Variants in EFCAB13 observed in about 807,000 individuals in gnomAD.
The protein encoded by EFCAB13 is EF-hand calcium binding domain 13.
A neutral mutation model predicts 110.2 loss-of-function variants in EFCAB13; 91 were observed. That is an observed-to-expected ratio of 0.83 (90% CI 0.70 to 0.98). The LOEUF (loss-of-function observed/expected upper bound fraction) is 0.98, where lower values mean the gene tolerates loss of function less well. Ranked by LOEUF, EFCAB13 falls within the 50% of genes least tolerant of loss-of-function variation. EFCAB13 has a pLI of 0.00. For missense variants in EFCAB13, 968 were observed against 1,119.4 expected, an observed-to-expected ratio of 0.86 and a Z score of 1.93; for synonymous variants, 323 against 369.9, an observed-to-expected ratio of 0.87 and a Z score of 1.45.
intron 5 of EFCAB13, among the ~76,000 whole-genome samples, chr17:47,341,235 T>TGGG (rs2065382851): frequency 6.6e-6 from 1 of 152,206 alleles, no homozygotes; most frequent in Non-Finnish European, 1.5e-5. Flanking sequence ...ATTATGATGC[T>TGGG]GGGATTTTAT....
chr17:47,359,048 T>C (rs1369219251), intron 9 of EFCAB13, among the ~76,000 whole-genome samples: 1 of 152,186 alleles, frequency 6.6e-6, no homozygotes, highest in African/African-American at 2.4e-5. Context: ...AATGACTAGT[T>C]GAGACCAGGC....
At chr17:47,329,676 T>C (rs532232485) in intron 4 of EFCAB13, among the ~76,000 whole-genome samples, 1 of 152,312 alleles carries the variant, frequency 6.6e-6, no homozygotes, top group East Asian at 1.9e-4. Flanking sequence ...TTTACTACAA[T>C]GTTTCTGAGA....
chr17:47,410,534 TA>T (rs2065829018), intron 21 of EFCAB13, among the ~76,000 whole-genome samples: 1 of 152,186 alleles, frequency 6.6e-6, no homozygotes, highest in Non-Finnish European at 1.5e-5. Flanking sequence ...CCAAAACTCT[TA>T]ACTTGTTCCC....
At chr17:47,347,506 A>G (rs2065424168) in intron 8 of EFCAB13, among the ~76,000 whole-genome samples, 1 of 152,218 alleles carries the variant, frequency 6.6e-6, no homozygotes, top group Non-Finnish European at 1.5e-5. Flanking sequence ...ACTGAGATAC[A>G]TAGTAAGTGC....
At chr17:47,403,081 C>G (rs1175177812) in intron 18 of EFCAB13, among the ~76,000 whole-genome samples, 3 of 152,116 alleles carry the variant, frequency 2.0e-5, no homozygotes, top group Admixed American at 2.0e-4. Context: ...AGATTGCCAT[C>G]TGTAGTTGCA....
chr17:47,422,640 T>C (rs182638170), intron 23 of EFCAB13, among the ~76,000 whole-genome samples: 1 of 152,292 alleles, frequency 6.6e-6, no homozygotes, highest in African/African-American at 2.4e-5. Flanking sequence ...AATAAAGATA[T>C]GATTTGCAAT....
chr17:47,374,182 G>A (rs2065600563), intron 11 of EFCAB13, among the ~76,000 whole-genome samples: 1 of 152,144 alleles, frequency 6.6e-6, no homozygotes, highest in Admixed American at 6.5e-5. Flanking sequence ...CAATTGGGAA[G>A]GAGTGGGGAA....
chr17:47,416,668 A>G (rs1904460104), intron 23 of EFCAB13, among the ~76,000 whole-genome samples: 1 of 152,174 alleles, frequency 6.6e-6, no homozygotes, highest in Non-Finnish European at 1.5e-5. Flanking sequence ...CACACTTATA[A>G]GTGAGAGCAT....
intron 24 of EFCAB13, among the ~76,000 whole-genome samples, chr17:47,432,322 C>T (rs1237868604): frequency 6.6e-6 from 1 of 151,802 alleles, no homozygotes; most frequent in Non-Finnish European, 1.5e-5. Flanking sequence ...GGTGTGAACC[C>T]GGGAGGTGGA....
chr17:47,433,814 AT>A (rs1905162638), intron 24 of EFCAB13, among the ~76,000 whole-genome samples: 1 of 152,104 alleles, frequency 6.6e-6, no homozygotes, highest in African/African-American at 2.4e-5. Context: ...TAAATCTACC[AT>A]TTTACTAGTA....
chr17:47,395,182 C>G (rs914319399), intron 16 of EFCAB13, among the ~76,000 whole-genome samples: 6 of 152,162 alleles, frequency 3.9e-5, no homozygotes, highest in Non-Finnish European at 8.8e-5. Flanking sequence ...CTCTCAACCC[C>G]GAATGAACCC....
At chr17:47,368,729 T>C (rs2065563575) in intron 10 of EFCAB13, among the ~76,000 whole-genome samples, 1 of 152,202 alleles carries the variant, frequency 6.6e-6, no homozygotes, top group African/African-American at 2.4e-5. Flanking sequence ...ATGGAAAAAT[T>C]TGTCTTTTCC....
At chr17:47,383,184 A>G (rs547778919) in intron 14 of EFCAB13, among the ~76,000 whole-genome samples, 1 of 151,816 alleles carries the variant, frequency 6.6e-6, no homozygotes, top group Non-Finnish European at 1.5e-5. Context: ...TTTCTTCTTT[A>G]TTAGTCTTGC....
chr17:47,404,337 G>A (rs1338806168), intron 19 of EFCAB13, among the ~76,000 whole-genome samples: 1 of 151,978 alleles, frequency 6.6e-6, no homozygotes, highest in African/African-American at 2.4e-5. Context: ...AGAGTTACTG[G>A]GGCTTTCTTT....
At chr17:47,418,033 A>G (rs1336389034) in intron 23 of EFCAB13, among the ~76,000 whole-genome samples, 2 of 152,188 alleles carry the variant, frequency 1.3e-5, no homozygotes, top group African/African-American at 4.8e-5. Flanking sequence ...TCCAATATCA[A>G]AAGAACTTTA....
At chr17:47,435,376 C>T (rs114005747) in intron 24 of EFCAB13, among the ~76,000 whole-genome samples, 2,501 of 151,902 alleles carry the variant, frequency 0.016, 81 homozygotes, top group African/African-American at 0.058. Flanking sequence ...AAATTGATGT[C>T]GGCATGGATG....
At chr17:47,342,318 A>G (rs1209217403) in intron 6 of EFCAB13, among the ~76,000 whole-genome samples, 2 of 151,974 alleles carry the variant, frequency 1.3e-5, no homozygotes, top group Non-Finnish European at 2.9e-5. Flanking sequence ...TGCTTTTTTA[A>G]CAGGAACCCT....
At chr17:47,370,989 C>T (rs2065580297) in intron 11 of EFCAB13, among the ~76,000 whole-genome samples, 1 of 151,302 alleles carries the variant, frequency 6.6e-6, no homozygotes, top group South Asian at 2.1e-4. Flanking sequence ...ATCCACCTGC[C>T]TCAGCCTCCC....
At chr17:47,426,566 AGTTT>A (rs1904966451) in intron 23 of EFCAB13, among the ~76,000 whole-genome samples, 2 of 152,204 alleles carry the variant, frequency 1.3e-5, no homozygotes. Context: ...ATTTTCATTT[AGTTT>A]GTTAGCACTA....
Sources: allele counts gnomAD v4.1 joint callset (sites outside exome capture counted in the v4.1 genomes callset), GRCh38; gene constraint gnomAD v4.1.1; transcripts MANE v1.5; gene names NCBI Gene and HGNC (gene_info 2026-07-23, HGNC 2026-07-21).